WDR5: variants seen among roughly 807,000 people sequenced by gnomAD.
The protein encoded by WDR5 is WD repeat-containing protein 5.
For missense variants in WDR5, 187 were observed against 416.9 expected, an observed-to-expected ratio of 0.45 and a Z score of 4.80; for synonymous variants, 144 against 161.6, an observed-to-expected ratio of 0.89 and a Z score of 0.83.
rs368391812 is a variant in WDR5 at position 134,142,680 on chromosome 9, C to T, written c.489C>T (p.Cys163=). ...VRIWDVKTGK[C]LKTLPAHSDP... ...TATGGGATGTGAAAACAGGGAAGTG[C>T]CTCAAGACTTTGCCAGCTCACTCGG... is the stretch of plus-strand genomic sequence containing the variant. Residue 163 remains cysteine, a synonymous_variant, in exon 7 of 14, where the codon TGC becomes TGT. Transcript: ENST00000358625. 34 of 1,613,870 alleles carry T rather than the reference C, an allele frequency of 2.1e-5. No homozygotes were observed. The African/African-American group carries it at 3.5e-4, about 16-fold the overall frequency.
chr9:134,149,299 C>T (rs1770169891), intron 8 of WDR5, among the ~76,000 whole-genome samples: 2 of 152,238 alleles, frequency 1.3e-5, no homozygotes, highest in South Asian at 2.1e-4. Context: ...TCCGGGCCAT[C>T]GCCTCGCAAG....
rs28595141 is a variant in WDR5 at position 134,159,590 on chromosome 9, A to G, written c.*1597A>G. On this transcript the variant is annotated 3_prime_UTR_variant, in exon 14 of 14. Coordinates refer to ENST00000358625, the MANE Select transcript of WDR5 (RefSeq NM_017588.3). This position sits in a 1 kb window ranked among gnomAD's most constrained non-coding sequence, Gnocchi z 4.3. Reference sequence around the variant, plus strand: ...TTATCTGAGGCATCTGGAGATGTATATCCTGTGGTTTCCCCTGCCCCTCTG... The same window carrying G: ...TTATCTGAGGCATCTGGAGATGTATGTCCTGTGGTTTCCCCTGCCCCTCTG... 11,748 of 152,206 alleles carry G rather than the reference A, an allele frequency of 0.077. 933 individuals are homozygous for G. Among genetic ancestry groups the G allele is most frequent in the African/African-American group, 0.21 (8,512 of 41,496 alleles). The allele number at this position is 152,206 out of a possible 1,614,324, so 9.4% of individuals were successfully genotyped here. A position where few individuals can be genotyped will look rare whatever the true frequency, so the allele number is the denominator to read the frequency against.
At chr9:134,137,308 C>G (rs1006868428) in intron 1 of WDR5, among the ~76,000 whole-genome samples, 1 of 152,134 alleles carries the variant, frequency 6.6e-6, no homozygotes, top group South Asian at 2.1e-4. Context: ...CCTTGGCCCC[C>G]GCTTTCCTCA....
At chr9:134,140,415 A>T (rs1212739403) in intron 2 of WDR5, among the ~76,000 whole-genome samples, 1 of 149,026 alleles carries the variant, frequency 6.7e-6, no homozygotes, top group Non-Finnish European at 1.5e-5. Flanking sequence ...AGGTGGGGGG[A>T]TGAGGTGGAT....
In WDR5 at chr9:134,141,543, A is replaced by G. The variant is rs757759962; in HGVS notation, c.224A>G (p.Tyr75Cys). 3.1e-6 allele frequency: 5 copies of G among 1,614,092 alleles called. No homozygotes were observed. Among genetic ancestry groups the G allele is most frequent in the Admixed American group, 1.7e-5 (1 of 60,006 alleles). Residue 75 changes from tyrosine (Y) to cysteine (C), a missense_variant, in exon 4 of 14, where the codon TAT becomes TGT. Tyr to Cys is a radical substitution (Grantham distance 194). Coordinates refer to ENST00000358625, the MANE Select transcript of WDR5 (RefSeq NM_017588.3). The part of the protein sequence containing the change: ...ADKLIKIWGA[Y>C]DGKFEKTISG... ...AAACTTATTAAAATTTGGGGCGCGT[A>G]TGATGGGAAATTTGAGAAAACCATA...
chr9:134,152,044 G>A lies in WDR5; in HGVS notation c.631+15G>A, dbSNP rs771087103. On this transcript the variant is annotated intron_variant, in intron 9 of 13. Coordinates refer to ENST00000358625, the MANE Select transcript of WDR5 (RefSeq NM_017588.3). ...GACGCTCATCGGTGAGTGTGGCTCT[G>A]TGTGGGGGCTGGGTCTGTGGGGAGG... 2 of 1,613,172 alleles carry A rather than the reference G, an allele frequency of 1.2e-6. No homozygotes were observed. Among genetic ancestry groups the A allele is most frequent in the Admixed American group, 1.7e-5 (1 of 59,830 alleles).
Position 134,159,101 on chromosome 9 carries a change from TGCCC to T in WDR5, c.*1109_*1112del, listed in dbSNP as rs200850067. On this transcript the variant is annotated 3_prime_UTR_variant, in exon 14 of 14. Coordinates refer to ENST00000358625, the MANE Select transcript of WDR5 (RefSeq NM_017588.3). This position sits in a 1 kb window ranked among gnomAD's most constrained non-coding sequence, Gnocchi z 4.3. ...GTCCCTGCTGGAGCCCTCGCCTGCC[TGCCC>T]CTCTGCCTGTGCTCCTGGCAGTGTG... 0.027 allele frequency: 4,067 copies of T among 152,060 alleles called. 96 individuals are homozygous for T. The highest frequency in any genetic ancestry group is 0.065 in the African/African-American group (2,656 of 41,044). The allele number at this position is 152,060 out of a possible 1,614,324, so 9.4% of individuals were successfully genotyped here. A position where few individuals can be genotyped will look rare whatever the true frequency, so the allele number is the denominator to read the frequency against.
At chr9:134,140,870 G>T in intron 3 of WDR5, 59 bp downstream of exon 3, 1 of 1,526,766 alleles carries the variant, frequency 6.5e-7, no homozygotes. Context: ...CAGACAAAAA[G>T]CTGGCGAGGG....
chr9:134,142,815 C>T, intron 7 of WDR5, 96 bp downstream of exon 7: 2 of 1,287,770 alleles, frequency 1.6e-6, no homozygotes, highest in Non-Finnish European at 2.2e-6. Flanking sequence ...TAAGCCTGGC[C>T]ATGGCCTGTG....
chr9:134,154,768 C>T (rs551802452), intron 10 of WDR5, among the ~76,000 whole-genome samples: 10 of 152,274 alleles, frequency 6.6e-5, no homozygotes, highest in African/African-American at 9.6e-5. Flanking sequence ...ATTTAGGGTC[C>T]GTTTTCTGGT....
chr9:134,137,755 G>C (rs1449581751), intron 1 of WDR5, among the ~76,000 whole-genome samples: 1 of 151,602 alleles, frequency 6.6e-6, no homozygotes, highest in Non-Finnish European at 1.5e-5. Context: ...TCAAGAAATT[G>C]CATTCCCCGC....
rs1029776622 is a variant in WDR5, at chr9:134,152,158, C to T, written c.631+129C>T. On this transcript the variant is annotated intron_variant, in intron 9 of 13. Coordinates refer to ENST00000358625, the MANE Select transcript of WDR5 (RefSeq NM_017588.3). Reference sequence around the variant, plus strand: ...GTCCGCCCCTGCAGGAGGAACCTTCCTCCGTGTCCGACCGTTCCGCCAGCT... The same window carrying T: ...GTCCGCCCCTGCAGGAGGAACCTTCTTCCGTGTCCGACCGTTCCGCCAGCT... 9.9e-6 allele frequency: 11 copies of T among 1,115,194 alleles called. No individual in the cohort carries two copies. In the African/African-American group the frequency reaches 1.7e-4, roughly 18 times the overall value. The allele number at this position is 1,115,194 out of a possible 1,614,324, so 69.1% of individuals were successfully genotyped here.
At chr9:134,155,394 G>T (rs981671831) in intron 11 of WDR5, 21 bp downstream of exon 11, 1 of 1,597,902 alleles carries the variant, frequency 6.3e-7, no homozygotes, top group South Asian at 1.1e-5. Flanking sequence ...GCAGGCTTGG[G>T]CCCCCATGGT....
In WDR5 at chr9:134,156,488, C is replaced by T; in HGVS notation, c.817-18C>T. 6.2e-7 allele frequency: 1 copy of T among 1,613,418 alleles called. No individual in the cohort carries two copies. Among genetic ancestry groups the T allele is most frequent in the Non-Finnish European group, 8.5e-7 (1 of 1,179,330 alleles). On this transcript the variant is annotated intron_variant, in intron 12 of 13. Coordinates refer to ENST00000358625, the MANE Select transcript of WDR5 (RefSeq NM_017588.3). ...CCTGCTTTTCCTTGCCCTGTTTTCC[C>T]TGCTTGTTGTTACGTAGTGGATTGT...
Position 134,158,148 on chromosome 9 carries a change from A to G in WDR5, c.*155A>G, listed in dbSNP as rs551269622. ...TCTGAAGATGATTTGGCCGAGCGGAAGGTGTGGACCACCGGAAAGTTCTTA... is the reference window on the plus strand; with the variant it reads ...TCTGAAGATGATTTGGCCGAGCGGAGGGTGTGGACCACCGGAAAGTTCTTA... On this transcript the variant is annotated 3_prime_UTR_variant, in exon 14 of 14. Transcript: ENST00000358625. 60 of 649,302 alleles carry G rather than the reference A, an allele frequency of 9.2e-5. No homozygotes were observed. Among genetic ancestry groups the G allele is most frequent in the Admixed American group, 7.1e-4 (26 of 36,376 alleles). The allele number at this position is 649,302 out of a possible 1,614,324, so 40.2% of individuals were successfully genotyped here.
chr9:134,144,032 C>G (rs963374721), intron 7 of WDR5, among the ~76,000 whole-genome samples: 5 of 152,266 alleles, frequency 3.3e-5, no homozygotes, highest in Non-Finnish European at 5.9e-5. Flanking sequence ...GTGTGCCTTT[C>G]ACTTTGTGCC....
At chr9:134,136,294 C>A (rs1337535207) in intron 1 of WDR5, 94 bp downstream of exon 1, 1 of 149,526 alleles carries the variant, frequency 6.7e-6, no homozygotes, top group African/African-American at 2.4e-5. Flanking sequence ...GCACGTGTTC[C>A]CCGCCGGGCC....
chr9:134,149,917 G>A (rs567380620), intron 8 of WDR5, among the ~76,000 whole-genome samples: 63 of 152,324 alleles, frequency 4.1e-4, no homozygotes, highest in African/African-American at 1.4e-3. Context: ...GGGGCCCTGG[G>A]TATGGTGCCT....
intron 12 of WDR5, 71 bp from the exon 13 acceptor site, chr9:134,156,435 C>G: frequency 4.8e-6 from 7 of 1,461,360 alleles, no homozygotes; most frequent in Non-Finnish European, 6.7e-6. Flanking sequence ...ACTGGAGATT[C>G]TCTCCCTTTC....
Sources: gnomAD v4.1 joint callset for allele counts (sites outside exome capture counted in the v4.1 genomes callset) on GRCh38, gnomAD v4.1.1 for gene constraint, Gnocchi (gnomAD v3.1) non-coding constraint, MANE v1.5 for transcripts, NCBI Gene and HGNC (gene_info 2026-07-23, HGNC 2026-07-21) for gene names.